RRM2B: variants seen among roughly 807,000 people sequenced by gnomAD.
RRM2B encodes ribonucleotide reductase regulatory TP53 inducible subunit M2B, also known as ribonucleoside-diphosphate reductase subunit M2 B.
Under a neutral mutation model 45.9 loss-of-function variants are expected in RRM2B, and 20 were observed. The observed-to-expected ratio is 0.44, with a 90% CI of 0.31 to 0.63. The LOEUF (loss-of-function observed/expected upper bound fraction) is 0.63. RRM2B is among the 30% of genes least tolerant of loss of function. The pLI, the probability that RRM2B is intolerant of heterozygous loss-of-function variation, is 0.09. For synonymous variants in RRM2B, 124 were observed against 132.3 expected, an observed-to-expected ratio of 0.94 and a Z score of 0.43; for missense variants, 320 against 414.7, an observed-to-expected ratio of 0.77 and a Z score of 1.98.
At chr8:102,212,751 A>G in intron 8 of RRM2B, 25 bp downstream of exon 8, 3 of 1,160,410 alleles carry the variant, frequency 2.6e-6, no homozygotes, top group Non-Finnish European at 3.9e-6. Flanking sequence ...TTTAACTAGT[A>G]GTAACACATT....
In RRM2B at chr8:102,234,434, C is replaced by T. The variant is rs376079429; in HGVS notation, c.49-2130G>A. ...TTATTTCATAATGCTTAGAAACGTG[C>T]ACAAACATACATTTGAATACAATTT... is the stretch of plus-strand genomic sequence containing the variant. On this transcript the variant is annotated intron_variant, in intron 1 of 8. Coordinates refer to ENST00000251810, the MANE Select transcript of RRM2B (RefSeq NM_015713.5). 3.3e-5 allele frequency among the ~76,000 whole-genome samples: 5 copies of T among 152,056 alleles called. No homozygotes were observed. The East Asian group carries it at 7.7e-4, about 23-fold the overall frequency.
Position 102,207,911 on chromosome 8 carries a change from G to A in RRM2B, c.*222C>T, listed in dbSNP as rs547053373. The stretch of plus-strand genomic sequence containing the variant: ...CGCCCCATGCTCTTAACCACATAAT[G>A]CCATCTTTTATTTCAGTGACAAGAC... On this transcript the variant is annotated 3_prime_UTR_variant, in exon 9 of 9. Transcript: ENST00000251810. 7 of 489,304 alleles carry A rather than the reference G, an allele frequency of 1.4e-5. No homozygotes were observed. The highest frequency in any genetic ancestry group is 9.7e-5 in the African/African-American group (5 of 51,436). 30.3% of individuals were successfully genotyped at this position (489,304 alleles called of 1,614,324 possible). A position where few individuals can be genotyped will look rare whatever the true frequency, so the allele number is the denominator to read the frequency against.
intron 5 of RRM2B, among the ~76,000 whole-genome samples, chr8:102,220,008 G>A (rs552678870): frequency 1.3e-5 from 2 of 152,352 alleles, no homozygotes; most frequent in African/African-American, 4.8e-5. Flanking sequence ...GTAGACCGAG[G>A]AAGGAGGATC....
chr8:102,235,155 G>C (rs1811098232), intron 1 of RRM2B, among the ~76,000 whole-genome samples: 1 of 152,160 alleles, frequency 6.6e-6, no homozygotes, highest in Non-Finnish European at 1.5e-5. Context: ...TGCTAGATTA[G>C]AAGAGAAATT....
At position 102,214,088 on chromosome 8, in the gene RRM2B, C is replaced by T. The variant is rs754931572; in HGVS notation, c.755G>A (p.Arg252Lys). Residue 252 changes from arginine to lysine, a missense_variant, in exon 7 of 9, where the codon AGG becomes AAG. Arg to Lys is a conservative substitution (Grantham distance 26). Around this residue, in one of 3 missense-constraint regions of RRM2B, gnomAD observed 225 missense variants for 289.4 expected, o/e 0.78. Transcript: ENST00000251810. ...TTTGACAGCATCAACAATGATCTCC[C>T]TGACCCTTTCTTCTGAAGGCTTATT... Reference protein sequence around the residue: ...LVNKPSEERVREIIVDAVKIE... With the variant: ...LVNKPSEERVKEIIVDAVKIE... 7 of 1,613,596 alleles carry T rather than the reference C, an allele frequency of 4.3e-6. No individual in the cohort carries two copies. In the Admixed American group the frequency reaches 1.2e-4, roughly 27 times the overall value.
intron 1 of RRM2B, among the ~76,000 whole-genome samples, chr8:102,234,097 G>C (rs2132564524): frequency 6.6e-6 from 1 of 152,294 alleles, no homozygotes; most frequent in African/African-American, 2.4e-5. Context: ...CTCAAAGTAT[G>C]AAAGTTGGGA....
chr8:102,237,981 T>G (rs944404140), intron 1 of RRM2B, among the ~76,000 whole-genome samples: 8 of 152,196 alleles, frequency 5.3e-5, no homozygotes, highest in African/African-American at 1.4e-4. Context: ...GTTCCAGTAG[T>G]ACAAAAAGCA....
intron 1 of RRM2B, among the ~76,000 whole-genome samples, chr8:102,235,907 T>C (rs989720009): frequency 3.3e-5 from 5 of 152,092 alleles, no homozygotes; most frequent in Admixed American, 1.3e-4. Context: ...GTTAAAAATA[T>C]AACACTGCAG....
At chr8:102,230,438 A>T (rs1279373965) in intron 2 of RRM2B, among the ~76,000 whole-genome samples, 1 of 152,218 alleles carries the variant, frequency 6.6e-6, no homozygotes, top group East Asian at 1.9e-4. Flanking sequence ...AATCCTAAGA[A>T]TCCTAAGTAC....
intron 1 of RRM2B, 200 bp downstream of exon 1, chr8:102,238,627 C>G (rs777607940): frequency 2.6e-6 from 4 of 1,532,730 alleles, no homozygotes; most frequent in Non-Finnish European, 8.7e-7. Context: ...GGACGCAAAC[C>G]CAAAGTCAGC....
chr8:102,210,499 T>G (rs1040046796), intron 8 of RRM2B, among the ~76,000 whole-genome samples: 3 of 151,982 alleles, frequency 2.0e-5, no homozygotes, highest in African/African-American at 4.8e-5. Context: ...TTTCGGTCTT[T>G]TTGCCCAGGC....
chr8:102,238,629 A>C lies in RRM2B; in HGVS notation c.48+198T>G, dbSNP rs749011770. Reference sequence around the variant, plus strand: ...AGAGCAGCGAGCGGGACGCAAACCCAAAGTCAGCTCCTTCCTCCGCCCTCC... The same window carrying C: ...AGAGCAGCGAGCGGGACGCAAACCCCAAGTCAGCTCCTTCCTCCGCCCTCC... On this transcript the variant is annotated intron_variant, in intron 1 of 8. Transcript: ENST00000251810. The C allele has an allele frequency of 3.9e-6, 6 of 1,532,424 alleles. No individual in the cohort carries two copies. In the South Asian group the frequency reaches 7.2e-5, roughly 18 times the overall value. The allele number at this position is 1,532,424 out of a possible 1,614,324, so 94.9% of individuals were successfully genotyped here.
intron 1 of RRM2B, 70 bp from the exon 2 acceptor site, chr8:102,232,374 T>G (rs1417392118): frequency 8.1e-6 from 12 of 1,478,148 alleles, no homozygotes; most frequent in Non-Finnish European, 7.5e-6. Flanking sequence ...TAAACATACA[T>G]CTAAGGAAGT....
intron 6 of RRM2B, among the ~76,000 whole-genome samples, chr8:102,217,239 TATGA>T (rs1371712247): frequency 1.3e-5 from 2 of 152,014 alleles, no homozygotes; most frequent in African/African-American, 2.4e-5. Flanking sequence ...CTCCTAAATA[TATGA>T]ATGATTAAAA....
At chr8:102,238,322 C>G in intron 1 of RRM2B, 1 of 341,062 alleles carries the variant, frequency 2.9e-6, no homozygotes, top group Non-Finnish European at 5.7e-6. Context: ...GATTTTTTCA[C>G]TGGGAGGAGG....
At chr8:102,221,100 A>C (rs28928584) in intron 5 of RRM2B, among the ~76,000 whole-genome samples, 5,352 of 152,278 alleles carry the variant, frequency 0.035, 162 homozygotes, top group Admixed American at 0.085. Context: ...TTTTGAAGTT[A>C]TTTAAAGATA....
intron 3 of RRM2B, 59 bp from the exon 4 acceptor site, chr8:102,225,077 A>G: frequency 1.3e-6 from 2 of 1,578,204 alleles, no homozygotes; most frequent in Non-Finnish European, 1.7e-6. Context: ...AAACACTGCA[A>G]ATCAGAATCT....
chr8:102,231,170 C>T (rs1007368311), intron 2 of RRM2B, among the ~76,000 whole-genome samples: 5 of 152,212 alleles, frequency 3.3e-5, no homozygotes, highest in Non-Finnish European at 5.9e-5. Context: ...TTCAGTTAGA[C>T]TACAGGGCAA....
At chr8:102,208,310 G>C in intron 8 of RRM2B, 25 bp from the exon 9 acceptor site, 1 of 1,486,168 alleles carries the variant, frequency 6.7e-7, no homozygotes, top group Non-Finnish European at 9.4e-7. Flanking sequence ...AATATTATTA[G>C]ACATTCTGAA....
Sources: gnomAD v4.1 joint callset for allele counts (sites outside exome capture counted in the v4.1 genomes callset) on GRCh38, gnomAD v4.1.1 for gene constraint, gnomAD v4.1.1 regional missense constraint, MANE v1.5 for transcripts, NCBI Gene and HGNC (gene_info 2026-07-23, HGNC 2026-07-21) for gene names.